The following KLC4 variants were observed in gnomAD, a reference collection of about 807,000 sequenced individuals.
KLC4 encodes the protein kinesin-like protein 8.
Under a neutral mutation model 77.2 loss-of-function variants are expected in KLC4, and 49 were observed. That is an observed-to-expected ratio of 0.63 (90% confidence interval 0.50 to 0.80). KLC4 has a LOEUF of 0.80. Among genes scored for constraint, KLC4 ranks in the 30% least tolerant of loss-of-function variants. The pLI is 0.00. For missense variants in KLC4, 669 were observed against 793.5 expected, an observed-to-expected ratio of 0.84 and a Z score of 1.89; for synonymous variants, 274 against 314.5, an observed-to-expected ratio of 0.87 and a Z score of 1.36.
In KLC4 at chr6:43,062,968, A is replaced by C. The variant is rs779149521; in HGVS notation, c.310A>C (p.Lys104Gln). The C allele has an allele frequency of 1.2e-5, 20 of 1,614,056 alleles. No individual in the cohort carries two copies. The highest frequency in any genetic ancestry group is 1.6e-5 in the Non-Finnish European group (19 of 1,180,036). ...GAGCACAGTGGAGTCGGAGAAACAG[A>C]AGCTGCGGGCTCAGGTGCGGCGGCT... ...HLSTVESEKQ[K>Q]LRAQVRRLCQ... The change falls in exon 3 of 16, where the codon AAG becomes CAG. Residue 104 changes from lysine (K) to glutamine (Q), a missense_variant. Lys to Gln is a moderately conservative substitution (Grantham distance 53). Transcript: ENST00000347162.
At chr6:43,069,960 A>C (rs1354774717) in intron 6 of KLC4, among the ~76,000 whole-genome samples, 2 of 152,178 alleles carry the variant, frequency 1.3e-5, no homozygotes, top group Admixed American at 6.5e-5. Context: ...TATCCCATCA[A>C]ATATCAATGT....
chr6:43,069,799 C>T (rs1026624674), intron 6 of KLC4, among the ~76,000 whole-genome samples: 20 of 152,170 alleles, frequency 1.3e-4, no homozygotes, highest in African/African-American at 3.9e-4. Context: ...CCGCCCACCT[C>T]GGCCTCCCAA....
At chr6:43,072,122 T>C (rs1187018521) in intron 11 of KLC4, 25 bp from the exon 12 acceptor site, 1 of 1,581,482 alleles carries the variant, frequency 6.3e-7, no homozygotes, top group Non-Finnish European at 8.7e-7. Context: ...TCTCTCTTCC[T>C]TCTCTGGTCT....
In KLC4 at chr6:43,074,808, C is replaced by T; in HGVS notation, c.*136C>T. The T allele has an allele frequency of 1.4e-6, 1 of 724,810 alleles. No individual in the cohort carries two copies. Among genetic ancestry groups the T allele is most frequent in the Middle Eastern group, 2.8e-4 (1 of 3,580 alleles). 44.9% of individuals were successfully genotyped at this position (724,810 alleles called of 1,614,324 possible). A position where few individuals can be genotyped will look rare whatever the true frequency, so the allele number is the denominator to read the frequency against. On this transcript the variant is annotated 3_prime_UTR_variant, in exon 16 of 16. Coordinates refer to ENST00000347162, the MANE Select transcript of KLC4 (RefSeq NM_201521.3). ...CAGTTTAACCAGAAGATTGCTGCTG[C>T]CCTTAGGGTCTCAGCTCCCTCCTCA...
At position 43,067,071 on chromosome 6, in the gene KLC4, T is replaced by C; in HGVS notation, c.867T>C (p.Pro289=). The C allele has an allele frequency of 1.9e-6, 3 of 1,614,142 alleles. No individual in the cohort carries two copies. The highest frequency in any genetic ancestry group is 2.2e-5 in the South Asian group (2 of 91,080). ...GCATCCGGGAGAGCACCTTGGGACCTGACCATCCTGCTGTCAGTATTCCTT... is the reference window on the plus strand; with the variant it reads ...GCATCCGGGAGAGCACCTTGGGACCCGACCATCCTGCTGTCAGTATTCCTT... The part of the protein sequence containing the change: ...ALSIRESTLG[P]DHPAVAATLN... Residue 289 remains proline (P), a synonymous_variant, in exon 6 of 16, where the codon CCT becomes CCC. Coordinates refer to ENST00000347162, the MANE Select transcript of KLC4 (RefSeq NM_201521.3).
At chr6:43,068,761 A>C (rs1765584052) in intron 6 of KLC4, among the ~76,000 whole-genome samples, 2 of 152,310 alleles carry the variant, frequency 1.3e-5, no homozygotes, top group Admixed American at 1.3e-4. Flanking sequence ...CAGCGAGCCG[A>C]GATCGCACCA....
rs9367169 is a variant in KLC4, at chr6:43,068,173, T to C, written c.879+1090T>C. Among the ~76,000 whole-genome samples the C allele has an allele frequency of 3.8e-5, 5 of 131,014 alleles. No homozygotes were observed. In the East Asian group the frequency reaches 1.1e-3, roughly 30 times the overall value. 86.0% of individuals were successfully genotyped at this position (131,014 alleles called of 152,430 possible). ...AGGTGGACACTTTATTAAAGTACAG[T>C]ATTATAAGAAATCACAAGGGTCGGG... On this transcript the variant is annotated intron_variant, in intron 6 of 15. Transcript: ENST00000347162.
At position 43,071,665 on chromosome 6, in the gene KLC4, G is replaced by C. The variant is rs75664886; in HGVS notation, c.1308+46G>C. ...CCAGCCTGGGGAGCTCAAGGCTACC[G>C]GGGTCTCTGTCTTACTCCTTGCATT... On this transcript the variant is annotated intron_variant, in intron 10 of 15. Coordinates refer to ENST00000347162, the MANE Select transcript of KLC4 (RefSeq NM_201521.3). 2.5e-6 allele frequency: 4 copies of C among 1,585,232 alleles called. No homozygotes were observed. The African/African-American group carries it at 5.4e-5, about 21-fold the overall frequency.
At chr6:43,069,952 T>G (rs73733795) in intron 6 of KLC4, among the ~76,000 whole-genome samples, 7,627 of 152,218 alleles carry the variant, frequency 0.05, 256 homozygotes, top group African/African-American at 0.082. Flanking sequence ...TGTCTTGATA[T>G]CCCATCAAAT....
At position 43,072,790 on chromosome 6, in the gene KLC4, G is replaced by A. The variant is rs1255521676; in HGVS notation, c.1489-34G>A. On this transcript the variant is annotated intron_variant, in intron 12 of 15. Transcript: ENST00000347162. ...AAGCCCCATCCTGAGGAGTTAAGGA[G>A]TAGGAAGTCCCAGGTCCTTCCTTTT... is the stretch of plus-strand genomic sequence containing the variant. 2.5e-6 allele frequency: 4 copies of A among 1,608,470 alleles called. No individual in the cohort carries two copies. In the Admixed American group the frequency reaches 5.1e-5, roughly 21 times the overall value.
intron 3 of KLC4, among the ~76,000 whole-genome samples, chr6:43,064,334 G>C (rs1765310686): frequency 6.6e-6 from 1 of 152,118 alleles, no homozygotes; most frequent in Non-Finnish European, 1.5e-5. Flanking sequence ...AGGGAGCCTG[G>C]GCAACATAGT....
intron 8 of KLC4, 90 bp from the exon 9 acceptor site, chr6:43,071,185 G>T: frequency 1.3e-6 from 1 of 764,818 alleles, no homozygotes. Context: ...CCCTGAGCCT[G>T]GTGAAGACCT....
At chr6:43,068,069 G>A (rs1411292126) in intron 6 of KLC4, among the ~76,000 whole-genome samples, 9 of 82,734 alleles carry the variant, frequency 1.1e-4, no homozygotes, top group African/African-American at 2.3e-4. Context: ...CCGAGATCCC[G>A]CCACTGCACT....
rs778208432 is a variant in KLC4, at chr6:43,063,080, A to C, written c.422A>C (p.Glu141Ala). The C allele has an allele frequency of 1.9e-6, 3 of 1,614,088 alleles. No homozygotes were observed. Among genetic ancestry groups the C allele is most frequent in the Non-Finnish European group, 2.5e-6 (3 of 1,180,040 alleles). Reference protein sequence around the residue: ...QRSEQAVAQLEEEKKHLEFLG... With the variant: ...QRSEQAVAQLAEEKKHLEFLG... ...AGTGAACAGGCTGTGGCTCAGCTGG[A>C]GGAGGAAAAGAAGCACCTGGAGTTC... Residue 141 changes from glutamate (E) to alanine (A), a missense_variant, in exon 3 of 16, where the codon GAG becomes GCG. Physicochemically the swap from Glu to Ala is moderately radical, Grantham distance 107 (BLOSUM62 -1). Coordinates refer to ENST00000347162, the MANE Select transcript of KLC4 (RefSeq NM_201521.3).
At chr6:43,074,535 C>T in intron 15 of KLC4, 87 bp from the exon 16 acceptor site, 1 of 1,108,764 alleles carries the variant, frequency 9.0e-7, no homozygotes. Flanking sequence ...CAGAGATACA[C>T]TGTGACCATG....
At chr6:43,060,672 G>C (rs1581995987) in intron 1 of KLC4, 2 of 1,057,182 alleles carry the variant, frequency 1.9e-6, no homozygotes, top group Non-Finnish European at 2.3e-6. Flanking sequence ...CTGAGTCCTG[G>C]GGGGTGGGAA....
At chr6:43,060,377 A>C in intron 1 of KLC4, 1 of 1,184,762 alleles carries the variant, frequency 8.4e-7, no homozygotes, top group Non-Finnish European at 1.2e-6. Flanking sequence ...GGAGACGGGA[A>C]TTGGGCGTCT....
At chr6:43,064,555 G>A (rs1397438804) in intron 3 of KLC4, among the ~76,000 whole-genome samples, 3 of 152,174 alleles carry the variant, frequency 2.0e-5, no homozygotes, top group Non-Finnish European at 4.4e-5. Context: ...AATAGAGGAA[G>A]CAGGATACAG....
chr6:43,071,615 G>A lies in KLC4; in HGVS notation c.1304G>A (p.Ser435Asn). 1.9e-6 allele frequency: 3 copies of A among 1,613,636 alleles called. No individual in the cohort carries two copies. Among genetic ancestry groups the A allele is most frequent in the Non-Finnish European group, 2.5e-6 (3 of 1,179,894 alleles). Residue 435 changes from serine to asparagine, a missense_variant, in exon 10 of 16, where the codon AGC (serine) becomes AAC (asparagine). Coordinates refer to ENST00000347162, the MANE Select transcript of KLC4 (RefSeq NM_201521.3). ...WMHAEEREEM[S>N]KSRHHEGGTP... The stretch of plus-strand genomic sequence containing the variant: ...CATGCAGAGGAGCGGGAGGAAATGA[G>A]CAAAGTGAGTGGGGGGAAGGGGGGC...
Sources: allele counts gnomAD v4.1 joint callset (sites outside exome capture counted in the v4.1 genomes callset), GRCh38; gene constraint gnomAD v4.1.1; transcripts MANE v1.5; gene names NCBI Gene and HGNC (gene_info 2026-07-23, HGNC 2026-07-21).